SMYD3: variants seen among roughly 807,000 people sequenced by gnomAD.
SMYD3 encodes histone-lysine N-methyltransferase SMYD3.
In SMYD3, 36 loss-of-function variants were observed where a neutral mutation model predicts 57.7. That is an observed-to-expected ratio of 0.62 (90% confidence interval 0.48 to 0.82). The LOEUF (loss-of-function observed/expected upper bound fraction) is 0.82, where lower values mean the gene tolerates loss of function less well. Ranked by LOEUF, SMYD3 falls within the 40% of genes least tolerant of loss-of-function variation. SMYD3 has a pLI of 0.00. For synonymous variants in SMYD3, 211 were observed against 195.0 expected, an observed-to-expected ratio of 1.08 and a Z score of -0.68; for missense variants, 515 against 538.8, an observed-to-expected ratio of 0.96 and a Z score of 0.44.
At chr1:245,861,330 C>G (rs1267916761) in intron 9 of SMYD3, among the ~76,000 whole-genome samples, 1 of 152,156 alleles carries the variant, frequency 6.6e-6, no homozygotes, top group East Asian at 1.9e-4. Flanking sequence ...AGAACAGATT[C>G]CTAGTGGACA....
At chr1:246,503,054 G>A (rs1453923339) in intron 1 of SMYD3, among the ~76,000 whole-genome samples, 3 of 152,150 alleles carry the variant, frequency 2.0e-5, no homozygotes, top group African/African-American at 4.8e-5. Context: ...ATAAGGAGCA[G>A]AGCAAAAGGC....
chr1:246,010,804 A>G (rs2059269014), intron 5 of SMYD3, among the ~76,000 whole-genome samples: 2 of 152,354 alleles, frequency 1.3e-5, no homozygotes, highest in South Asian at 2.1e-4. Flanking sequence ...TATCTGCGTC[A>G]TCTATTTAGA....
intron 5 of SMYD3, among the ~76,000 whole-genome samples, chr1:246,017,583 A>G (rs1050979127): frequency 1.3e-5 from 2 of 152,184 alleles, no homozygotes; most frequent in Non-Finnish European, 2.9e-5. Context: ...CATCACAGTC[A>G]TGATGCTGAG....
chr1:246,142,788 A>G (rs2061778805), intron 5 of SMYD3, among the ~76,000 whole-genome samples: 5 of 152,202 alleles, frequency 3.3e-5, no homozygotes, highest in Admixed American at 3.3e-4. Flanking sequence ...TTCAGTAGAG[A>G]GTTCTCGTAA....
intron 5 of SMYD3, among the ~76,000 whole-genome samples, chr1:246,248,144 T>C (rs1202506965): frequency 1.3e-5 from 2 of 152,318 alleles, no homozygotes; most frequent in African/African-American, 4.8e-5. Flanking sequence ...ATAAGGTGTT[T>C]GGAGGAAATT....
intron 5 of SMYD3, among the ~76,000 whole-genome samples, chr1:246,055,343 G>A (rs4644456): frequency 0.1 from 15,332 of 152,148 alleles, 1,709 homozygotes; most frequent in African/African-American, 0.27. Flanking sequence ...TGCAGCCCCA[G>A]GTACTCCTAC....
chr1:245,930,165 A>AG (rs925740635), intron 5 of SMYD3: 1 of 169,506 alleles, frequency 5.9e-6, no homozygotes, highest in Non-Finnish European at 1.2e-5. Flanking sequence ...TCCTGGGAGA[A>AG]AAAAAAAAAA....
chr1:246,009,292 G>A (rs945721403), intron 5 of SMYD3, among the ~76,000 whole-genome samples: 9 of 152,170 alleles, frequency 5.9e-5, no homozygotes, highest in African/African-American at 9.7e-5. Context: ...CAAAGTATAC[G>A]TGATTTGTCT....
At chr1:246,196,994 GAA>G (rs966464973) in intron 5 of SMYD3, among the ~76,000 whole-genome samples, 10 of 128,928 alleles carry the variant, frequency 7.8e-5, no homozygotes, top group African/African-American at 2.5e-4. Flanking sequence ...AGGTGCTAAA[GAA>G]AAAAAAAAAC....
At position 246,098,529 on chromosome 1, in the gene SMYD3, C is replaced by A. The variant is rs550795329; in HGVS notation, c.532-168592G>T. Among the ~76,000 whole-genome samples the A allele has an allele frequency of 9.9e-5, 15 of 152,174 alleles. 1 individual carries two copies. The highest frequency in any genetic ancestry group is 3.4e-4 in the African/African-American group (14 of 41,520). On this transcript the variant is annotated intron_variant, in intron 5 of 11. Transcript: ENST00000490107. ...AGCTATTATTTAATTTTTAAAAAAT[C>A]TTTTTTCAAATTTCCCTGGAATATT...
chr1:246,262,652 A>T (rs2064032788), intron 5 of SMYD3, among the ~76,000 whole-genome samples: 1 of 151,956 alleles, frequency 6.6e-6, no homozygotes, highest in East Asian at 1.9e-4. Context: ...TTTCTACTAA[A>T]CCATATAGCC....
chr1:246,052,628 A>G (rs1306254799), intron 5 of SMYD3: 1 of 152,204 alleles, frequency 6.6e-6, no homozygotes, highest in African/African-American at 2.4e-5. Flanking sequence ...GCATGCAACA[A>G]TTGCTAAAAA....
chr1:245,830,370 C>T (rs998596204), intron 10 of SMYD3, among the ~76,000 whole-genome samples: 12 of 152,184 alleles, frequency 7.9e-5, no homozygotes, highest in African/African-American at 2.9e-4. Context: ...GGTGAACTCC[C>T]ACTTATAAAA....
chr1:245,798,447 A>ACAC (rs2047683144), intron 10 of SMYD3, among the ~76,000 whole-genome samples: 2 of 5,174 alleles, frequency 3.9e-4, no homozygotes, highest in African/African-American at 2.5e-3. Flanking sequence ...CACACACATA[A>ACAC]AAATATGCAC....
chr1:245,823,254 C>T (rs1328528368), intron 10 of SMYD3, among the ~76,000 whole-genome samples: 1 of 152,182 alleles, frequency 6.6e-6, no homozygotes, highest in Non-Finnish European at 1.5e-5. Flanking sequence ...AAATCCATTT[C>T]TCCTTCTCTG....
intron 5 of SMYD3, among the ~76,000 whole-genome samples, chr1:246,319,967 T>C (rs184593239): frequency 2.5e-4 from 38 of 152,352 alleles, no homozygotes; most frequent in African/African-American, 8.9e-4. Flanking sequence ...ATCCATTATT[T>C]ATGATCACTC....
chr1:245,861,851 G>A (rs2051565517), intron 9 of SMYD3, among the ~76,000 whole-genome samples: 1 of 131,284 alleles, frequency 7.6e-6, no homozygotes, highest in Non-Finnish European at 1.8e-5. Flanking sequence ...ATATAGGAGA[G>A]TAGTGAGTGC....
At chr1:245,982,846 T>A (rs2058626640) in intron 5 of SMYD3, among the ~76,000 whole-genome samples, 1 of 152,178 alleles carries the variant, frequency 6.6e-6, no homozygotes, top group Non-Finnish European at 1.5e-5. Context: ...TAGCCACACC[T>A]TTGGAGATGT....
At chr1:246,139,346 T>A (rs1286131910) in intron 5 of SMYD3, among the ~76,000 whole-genome samples, 1 of 152,238 alleles carries the variant, frequency 6.6e-6, no homozygotes, top group Non-Finnish European at 1.5e-5. Flanking sequence ...AAAACAGAAC[T>A]TGGTTGACTT....
Sources: allele counts gnomAD v4.1 joint callset (sites outside exome capture counted in the v4.1 genomes callset), GRCh38; gene constraint gnomAD v4.1.1; transcripts MANE v1.5; gene names NCBI Gene and HGNC (gene_info 2026-07-23, HGNC 2026-07-21).